Variants in RALGPS2 observed in about 807,000 individuals in gnomAD.
RALGPS2 encodes the protein ras-specific guanine nucleotide-releasing factor RalGPS2.
Under a neutral mutation model 86.8 loss-of-function variants are expected in RALGPS2, and 43 were observed. The ratio of observed to expected loss-of-function variants is 0.50; its 90% CI spans 0.39 to 0.64. The LOEUF is 0.64. RALGPS2 is among the 30% of genes least tolerant of loss of function. The probability of loss-of-function intolerance (pLI) is 0.00; values close to 1 mark genes in which losing one functional copy is unlikely to be tolerated. For synonymous variants in RALGPS2, 243 were observed against 231.3 expected (o/e 1.05, Z -0.46); for missense variants, 536 against 694.6 (o/e 0.77, Z 2.57).
At chr1:178,835,423 C>T (rs1301272360) in intron 8 of RALGPS2, among the ~76,000 whole-genome samples, 17 of 140,358 alleles carry the variant, frequency 1.2e-4, no homozygotes, top group East Asian at 8.4e-4. Context: ...GACAGAGTCT[C>T]GCTCTGTTGT....
intron 4 of RALGPS2, among the ~76,000 whole-genome samples, chr1:178,791,111 C>T (rs957659887): frequency 6.6e-6 from 1 of 151,972 alleles, no homozygotes; most frequent in African/African-American, 2.4e-5. Context: ...AAAAGATCTT[C>T]AGTGTATTTT....
intron 1 of RALGPS2, chr1:178,747,442 C>T (rs1488721884): frequency 7.6e-6 from 12 of 1,587,758 alleles, no homozygotes; most frequent in South Asian, 1.1e-5. Flanking sequence ...TTTCTTTAAA[C>T]AGCATCTCTT....
Position 178,800,175 on chromosome 1 carries a change from T to C in RALGPS2, c.214-7870T>C, listed in dbSNP as rs987544607. ...GCAGCACCAGAAAACAAATTGACAT[T>C]AGACAGTCCAGCAGAAGAGTTCTAG... is the stretch of plus-strand genomic sequence containing the variant. On this transcript the variant is annotated intron_variant, in intron 4 of 19. Coordinates refer to ENST00000367635, the MANE Select transcript of RALGPS2 (RefSeq NM_152663.5). Among the ~76,000 whole-genome samples, 19 of 152,252 alleles carry C rather than the reference T, an allele frequency of 1.2e-4. No individual in the cohort carries two copies. The East Asian group carries it at 3.1e-3, about 25-fold the overall frequency.
At chr1:178,788,848 T>TCTTC (rs1553263449) in intron 4 of RALGPS2, among the ~76,000 whole-genome samples, 8 of 62,986 alleles carry the variant, frequency 1.3e-4, no homozygotes, top group Admixed American at 1.0e-3. Context: ...TTTCTTTCTT[T>TCTTC]TCTTTTCTTT....
chr1:178,764,300 A>G (rs926381515), intron 1 of RALGPS2, among the ~76,000 whole-genome samples: 7 of 151,544 alleles, frequency 4.6e-5, no homozygotes, highest in African/African-American at 1.2e-4. Context: ...GCTTTTTTCT[A>G]TTTTCCATTT....
chr1:178,763,406 T>C (rs1421656171), intron 1 of RALGPS2, among the ~76,000 whole-genome samples: 1 of 152,260 alleles, frequency 6.6e-6, no homozygotes, highest in Non-Finnish European at 1.5e-5. Context: ...TTGATAGGAA[T>C]ACCATTGAAT....
intron 7 of RALGPS2, among the ~76,000 whole-genome samples, chr1:178,827,478 T>C (rs1338656575): frequency 1.4e-5 from 2 of 146,028 alleles, no homozygotes; most frequent in African/African-American, 5.2e-5. Flanking sequence ...CACTGCAAGC[T>C]CCGCCTCCCG....
chr1:178,856,411 T>TG (rs1415518537), intron 8 of RALGPS2, among the ~76,000 whole-genome samples: 4 of 111,226 alleles, frequency 3.6e-5, no homozygotes, highest in African/African-American at 1.5e-4. Flanking sequence ...TTTTTTTTTT[T>TG]TTTTTTTTTT....
At chr1:178,788,999 C>T (rs1277525784) in intron 4 of RALGPS2, among the ~76,000 whole-genome samples, 3 of 151,650 alleles carry the variant, frequency 2.0e-5, no homozygotes, top group Non-Finnish European at 2.9e-5. Context: ...CTCCGCCTCC[C>T]GGGTTCAAGT....
At chr1:178,821,496 A>T in intron 6 of RALGPS2, 116 bp from the exon 7 acceptor site, 1 of 726,198 alleles carries the variant, frequency 1.4e-6, no homozygotes, top group Admixed American at 2.4e-5. Context: ...TCAGTAATGA[A>T]GGTAATATAT....
intron 17 of RALGPS2, among the ~76,000 whole-genome samples, chr1:178,899,642 TTTTGGTTTTGG>T (rs1430999072): frequency 6.2e-5 from 9 of 144,466 alleles, no homozygotes; most frequent in African/African-American, 2.3e-4. Context: ...TTGGTTTTGG[TTTTGGTTTTGG>T]TTTTTTTTTT....
chr1:178,776,688 T>A lies in RALGPS2; in HGVS notation c.-77T>A. On this transcript the variant is annotated 5_prime_UTR_variant, in exon 2 of 20. The change abolishes an upstream ATG in the 5' untranslated region. Transcript: ENST00000367635. Reference sequence around the variant, plus strand: ...CTTTTTTTTTTTTTTACAGGAATAATGTATTTGTGGCCTTGGACATGAGGC... The same window carrying A: ...CTTTTTTTTTTTTTTACAGGAATAAAGTATTTGTGGCCTTGGACATGAGGC... The A allele has an allele frequency of 9.5e-7, 1 of 1,055,796 alleles. No homozygotes were observed. The highest frequency in any genetic ancestry group is 1.7e-5 in the African/African-American group (1 of 60,530). 65.4% of individuals were successfully genotyped at this position (1,055,796 alleles called of 1,614,324 possible).
At chr1:178,776,573 T>TA in intron 1 of RALGPS2, 109 bp from the exon 2 acceptor site, 1 of 449,240 alleles carries the variant, frequency 2.2e-6, no homozygotes, top group East Asian at 3.5e-5. Flanking sequence ...AGATAATAAA[T>TA]AGAGTTTAGT....
chr1:178,749,934 AAAC>A (rs1269978276), intron 1 of RALGPS2, among the ~76,000 whole-genome samples: 16 of 152,048 alleles, frequency 1.1e-4, no homozygotes, highest in East Asian at 1.9e-4. Flanking sequence ...ATCTCTACAA[AAAC>A]AACAACAACA....
chr1:178,736,969 C>T (rs1386258182), intron 1 of RALGPS2, among the ~76,000 whole-genome samples: 2 of 152,180 alleles, frequency 1.3e-5, no homozygotes, highest in African/African-American at 4.8e-5. Flanking sequence ...GCAGTTGAAG[C>T]ACCCTACTAG....
At chr1:178,829,581 G>C (rs1655919018) in intron 7 of RALGPS2, among the ~76,000 whole-genome samples, 1 of 152,106 alleles carries the variant, frequency 6.6e-6, no homozygotes, top group Non-Finnish European at 1.5e-5. Flanking sequence ...TGGAAAAATT[G>C]TCGCTGGTGC....
At chr1:178,811,259 A>C in intron 5 of RALGPS2, 56 bp from the exon 6 acceptor site, 21 of 1,399,462 alleles carry the variant, frequency 1.5e-5, no homozygotes, top group Non-Finnish European at 2.0e-5. Context: ...AAATACAGCA[A>C]AAAAACTTAC....
chr1:178,785,868 T>C (rs906848631), intron 4 of RALGPS2, among the ~76,000 whole-genome samples: 1 of 152,022 alleles, frequency 6.6e-6, no homozygotes, highest in Admixed American at 6.6e-5. Context: ...GAAAACTCTT[T>C]CTATAACTTT....
chr1:178,740,672 TGAGA>T (rs1650969670), intron 1 of RALGPS2, among the ~76,000 whole-genome samples: 2 of 152,136 alleles, frequency 1.3e-5, no homozygotes, highest in Admixed American at 6.6e-5. Context: ...CCATGTGGTT[TGAGA>T]GAGAGGTATG....
Sources: gnomAD v4.1 joint callset for allele counts (sites outside exome capture counted in the v4.1 genomes callset) on GRCh38, gnomAD v4.1.1 for gene constraint, MANE v1.5 for transcripts, NCBI Gene and HGNC (gene_info 2026-07-23, HGNC 2026-07-21) for gene names.